RASGEF1A: variants seen among roughly 807,000 people sequenced by gnomAD.
The protein encoded by RASGEF1A is ras-GEF domain-containing family member 1A.
RASGEF1A carries 18 observed loss-of-function variants against 56.4 expected under a neutral mutation model. That is an observed-to-expected ratio of 0.32 (90% CI 0.22 to 0.47). The LOEUF is 0.47. Among genes scored for constraint, RASGEF1A ranks in the 20% least tolerant of loss-of-function variants. The pLI, the probability that RASGEF1A is intolerant of heterozygous loss-of-function variation, is 1.00. For missense variants in RASGEF1A, 422 were observed against 627.1 expected (o/e 0.67, Z 3.49); for synonymous variants, 245 against 242.6 (o/e 1.01, Z -0.09).
chr10:43,243,300 G>A (rs11238485), intron 1 of RASGEF1A, among the ~76,000 whole-genome samples: 24,771 of 148,212 alleles, frequency 0.17, 2,619 homozygotes, highest in East Asian at 0.51. Context: ...CTTCCTGGCC[G>A]CCCCGTCTGG....
chr10:43,238,208 G>C (rs973745857), intron 1 of RASGEF1A, among the ~76,000 whole-genome samples: 7 of 152,114 alleles, frequency 4.6e-5, no homozygotes, highest in Non-Finnish European at 7.4e-5. Flanking sequence ...GGGGTCTTCA[G>C]GGGAGTTAGC....
chr10:43,232,018 G>A (rs1564538080), intron 1 of RASGEF1A, among the ~76,000 whole-genome samples: 1 of 152,252 alleles, frequency 6.6e-6, no homozygotes, highest in Non-Finnish European at 1.5e-5. Flanking sequence ...CCTCTGACCA[G>A]AGCAACAGAG....
chr10:43,196,412 C>A lies in RASGEF1A; in HGVS notation c.1421+64G>T. On this transcript the variant is annotated intron_variant, in intron 12 of 12. Coordinates refer to ENST00000395810, the MANE Select transcript of RASGEF1A (RefSeq NM_145313.4). The surrounding 1 kb of genome is among the most constrained non-coding windows in gnomAD (Gnocchi z 4.6). ...CAGGCTCCCTTTCCAGGAGGGTAAC[C>A]CTCGTGCCCACCCTGAGTCCTCCCT... The A allele has an allele frequency of 6.4e-7, 1 of 1,574,514 alleles. No individual in the cohort carries two copies. Among genetic ancestry groups the A allele is most frequent in the African/African-American group, 1.3e-5 (1 of 74,176 alleles).
intron 1 of RASGEF1A, among the ~76,000 whole-genome samples, chr10:43,209,589 G>T (rs562687595): frequency 6.6e-6 from 1 of 152,340 alleles, no homozygotes; most frequent in African/African-American, 2.4e-5. Context: ...CCACCAGCAT[G>T]ATTGCTCAGC....
intron 1 of RASGEF1A, chr10:43,229,825 A>T (rs1027306253): frequency 6.5e-5 from 68 of 1,049,942 alleles, no homozygotes; most frequent in Non-Finnish European, 8.2e-5. Context: ...TGGGCTGGGG[A>T]CCGCGGGGTC....
chr10:43,244,241 A>AGGGAATTCTC (rs1554828593), intron 1 of RASGEF1A, among the ~76,000 whole-genome samples: 1 of 151,778 alleles, frequency 6.6e-6, no homozygotes, highest in African/African-American at 2.4e-5. Context: ...CAGGGACACA[A>AGGGAATTCTC]ACAGGGCCGA....
At chr10:43,201,183 C>T (rs1352672441) in intron 4 of RASGEF1A, among the ~76,000 whole-genome samples, 1 of 152,150 alleles carries the variant, frequency 6.6e-6, no homozygotes, top group East Asian at 1.9e-4. Flanking sequence ...TCAGAGGCGG[C>T]CCACTGAGCT....
intron 1 of RASGEF1A, chr10:43,207,025 G>T (rs1362295257): frequency 1.0e-6 from 1 of 985,552 alleles, no homozygotes; most frequent in African/African-American, 1.7e-5. Context: ...AAGCCTAGGG[G>T]AGTCTGAAGC....
At chr10:43,259,789 G>C (rs1029812852) in intron 1 of RASGEF1A, among the ~76,000 whole-genome samples, 1 of 152,128 alleles carries the variant, frequency 6.6e-6, no homozygotes, top group Non-Finnish European at 1.5e-5. Context: ...AGGTGGAGGT[G>C]CTCCCCACTG....
intron 1 of RASGEF1A, among the ~76,000 whole-genome samples, chr10:43,263,725 G>A (rs1836575550): frequency 6.6e-6 from 1 of 152,182 alleles, no homozygotes; most frequent in Non-Finnish European, 1.5e-5. Flanking sequence ...GCAACCACAG[G>A]TGGGGAGAAG....
intron 1 of RASGEF1A, chr10:43,207,805 C>T: frequency 1.4e-6 from 1 of 690,196 alleles, no homozygotes; most frequent in Non-Finnish European, 1.8e-6. Flanking sequence ...CTCTCCACTC[C>T]AGCCCAGGAA....
rs1185644917 is a variant in RASGEF1A, at chr10:43,209,201, G to A, written c.-6-3079C>T. ...CCATCATGATACACCGATGGCCAGG[G>A]TGCTGAACACTGAAAACCGCAAGGC... On this transcript the variant is annotated intron_variant, in intron 1 of 12. Transcript: ENST00000395810. The A allele has an allele frequency of 5.1e-6, 5 of 985,338 alleles. No individual in the cohort carries two copies. In the Admixed American group the frequency reaches 2.5e-4, roughly 48 times the overall value. The allele number at this position is 985,338 out of a possible 1,614,324, so 61.0% of individuals were successfully genotyped here.
At position 43,234,296 on chromosome 10, in the gene RASGEF1A, C is replaced by T. The variant is rs371253092; in HGVS notation, c.-6-28174G>A. On this transcript the variant is annotated intron_variant, in intron 1 of 12. Coordinates refer to ENST00000395810, the MANE Select transcript of RASGEF1A (RefSeq NM_145313.4). ...GGCCTATCTAGGTCTGCTGTGGCCA[C>T]GCCTGAGGGAAGAAGGGATGTGGAG... 1.3e-3 allele frequency among the ~76,000 whole-genome samples: 205 copies of T among 152,284 alleles called. 1 individual carries two copies. Among genetic ancestry groups the T allele is most frequent in the South Asian group, 5.4e-3 (26 of 4,824 alleles).
intron 3 of RASGEF1A, chr10:43,202,620 C>T (rs1229094045): frequency 2.1e-6 from 1 of 467,130 alleles, no homozygotes; most frequent in Non-Finnish European, 4.4e-6. Context: ...CACACCAGCC[C>T]CACTCAGACC....
chr10:43,200,996 C>G, intron 4 of RASGEF1A, 108 bp from the exon 5 acceptor site: 4 of 976,710 alleles, frequency 4.1e-6, no homozygotes, highest in Non-Finnish European at 6.2e-6. Context: ...CCAACGTGAG[C>G]CCACAGCCCC....
chr10:43,227,190 G>A (rs1376093549), intron 1 of RASGEF1A, among the ~76,000 whole-genome samples: 1 of 152,176 alleles, frequency 6.6e-6, no homozygotes, highest in Non-Finnish European at 1.5e-5. Context: ...GCCCAAAGGT[G>A]TGGGAGATGC....
chr10:43,229,860 G>A, intron 1 of RASGEF1A: 4 of 664,304 alleles, frequency 6.0e-6, no homozygotes, highest in Non-Finnish European at 6.5e-6. Context: ...GGGCCGCGAG[G>A]CCGGCCAGGA....
intron 1 of RASGEF1A, chr10:43,208,848 C>A: frequency 1.0e-6 from 1 of 985,546 alleles, no homozygotes; most frequent in Non-Finnish European, 1.2e-6. Flanking sequence ...GAGGCAGGTT[C>A]CCTACATGGC....
At position 43,207,222 on chromosome 10, in the gene RASGEF1A, G is replaced by A. The variant is rs951051260; in HGVS notation, c.-6-1100C>T. 5.1e-6 allele frequency: 5 copies of A among 985,422 alleles called. No individual in the cohort carries two copies. The African/African-American group carries it at 7.0e-5, about 14-fold the overall frequency. The allele number at this position is 985,422 out of a possible 1,614,324, so 61.0% of individuals were successfully genotyped here. A position where few individuals can be genotyped will look rare whatever the true frequency, so the allele number is the denominator to read the frequency against. ...GAAGGCAGCACAGGTGCCAGCGGCT[G>A]AGGTCAGGTGGAGAAGCGAGACCCT... On this transcript the variant is annotated intron_variant, in intron 1 of 12. Transcript: ENST00000395810.
Sources: gnomAD v4.1 joint callset for allele counts (sites outside exome capture counted in the v4.1 genomes callset) on GRCh38, gnomAD v4.1.1 for gene constraint, Gnocchi (gnomAD v3.1) non-coding constraint, MANE v1.5 for transcripts, NCBI Gene and HGNC (gene_info 2026-07-23, HGNC 2026-07-21) for gene names.